Variants in B3GNT7 observed in about 807,000 individuals in gnomAD.
B3GNT7 encodes the protein UDP-GlcNAc:betaGal beta-1,3-N-acetylglucosaminyltransferase 7.
B3GNT7 carries 9 observed loss-of-function variants against 5.1 expected under a neutral mutation model. The ratio of observed to expected loss-of-function variants is 1.77; its 90% CI spans 1.07 to 3.09. B3GNT7 has a LOEUF of 3.09. B3GNT7 is among the 30% of genes most tolerant of loss of function. B3GNT7 has a pLI of 0.00. For missense variants in B3GNT7, 468 were observed against 550.8 expected (o/e 0.85, Z 1.50); for synonymous variants, 253 against 248.6 (o/e 1.02, Z -0.17).
chr2:231,398,694 C>T lies in B3GNT7; in HGVS notation c.975C>T (p.Ile325=), dbSNP rs748336654. Residue 325 remains isoleucine, a synonymous_variant, in exon 2 of 2, where the codon ATC becomes ATT. Transcript: ENST00000287590. ...GCGACACCCTGGAGCTCTACCCGAT[C>T]GACGACGTCTTTCTGGGCATGTGCC... ...HACDTLELYP[I]DDVFLGMCLE... 1.2e-5 allele frequency: 19 copies of T among 1,611,898 alleles called. No individual in the cohort carries two copies. The highest frequency in any genetic ancestry group is 1.6e-5 in the Non-Finnish European group (19 of 1,179,788).
At position 231,397,978 on chromosome 2, in the gene B3GNT7, A is replaced by G. The variant is rs1407098221; in HGVS notation, c.259A>G (p.Thr87Ala). ...QGPQAWDVTTTNCSANINLTH... is the reference protein window; with the variant it reads ...QGPQAWDVTTANCSANINLTH... ...GCCCCAGGCCTGGGACGTGACCACCACTAACTGCTCAGCCAATATCAACTT... is the reference window on the plus strand; with the variant it reads ...GCCCCAGGCCTGGGACGTGACCACCGCTAACTGCTCAGCCAATATCAACTT... Residue 87 changes from threonine to alanine, a missense_variant, in exon 2 of 2, where the codon ACT becomes GCT. Thr to Ala is a moderately conservative substitution (Grantham distance 58, BLOSUM62 0). Coordinates refer to ENST00000287590, the MANE Select transcript of B3GNT7 (RefSeq NM_145236.3). 4 of 1,611,908 alleles carry G rather than the reference A, an allele frequency of 2.5e-6. No individual in the cohort carries two copies. The South Asian group carries it at 3.3e-5, about 13-fold the overall frequency.
At chr2:231,396,868 G>A (rs1412731899) in intron 1 of B3GNT7, among the ~76,000 whole-genome samples, 1 of 144,850 alleles carries the variant, frequency 6.9e-6, no homozygotes, top group Non-Finnish European at 1.5e-5. Flanking sequence ...TTCTGCTTCC[G>A]AAATGGGTGT....
At position 231,397,885 on chromosome 2, in the gene B3GNT7, G is replaced by A. The variant is rs1365070889; in HGVS notation, c.166G>A (p.Val56Met). ...GGCCCAGAAGCCAAATGGACAGCTG[G>A]TGAACCCCAACAACTTCTGGAAGAA... is the stretch of plus-strand genomic sequence containing the variant. ...QKAQKPNGQL[V>M]NPNNFWKNPK... The change falls in exon 2 of 2, where the codon GTG (valine) becomes ATG (methionine). Residue 56 changes from valine to methionine, a missense_variant. Coordinates refer to ENST00000287590, the MANE Select transcript of B3GNT7 (RefSeq NM_145236.3). The A allele has an allele frequency of 1.2e-6, 2 of 1,613,766 alleles. No homozygotes were observed. Among genetic ancestry groups the A allele is most frequent in the Non-Finnish European group, 1.7e-6 (2 of 1,179,896 alleles).
At chr2:231,396,363 G>A (rs1575236914) in intron 1 of B3GNT7, among the ~76,000 whole-genome samples, 1 of 152,268 alleles carries the variant, frequency 6.6e-6, no homozygotes, top group East Asian at 1.9e-4. Context: ...CTCGGTGGGC[G>A]GCTTCCCTGG....
In B3GNT7 at chr2:231,399,420, C is replaced by G. The variant is rs1431004282; in HGVS notation, c.*495C>G. ...CCCTGTGCGGGCTCACAGGCACCCC[C>G]CAGTCCACACCCTGGTCTCCTGGGA... On this transcript the variant is annotated 3_prime_UTR_variant, in exon 2 of 2. Coordinates refer to ENST00000287590, the MANE Select transcript of B3GNT7 (RefSeq NM_145236.3). 1 of 156,964 alleles carries G rather than the reference C, an allele frequency of 6.4e-6. No homozygotes were observed. The highest frequency in any genetic ancestry group is 1.4e-5 in the Non-Finnish European group (1 of 71,122). The allele number at this position is 156,964 out of a possible 1,614,324, so 9.7% of individuals were successfully genotyped here.
Position 231,398,329 on chromosome 2 carries a change from C to T in B3GNT7, c.610C>T (p.Leu204=). 6.2e-7 allele frequency: 1 copy of T among 1,613,524 alleles called. No homozygotes were observed. The change falls in exon 2 of 2, where the codon CTG becomes TTG. Residue 204 remains leucine, a synonymous_variant. Coordinates refer to ENST00000287590, the MANE Select transcript of B3GNT7 (RefSeq NM_145236.3). The stretch of plus-strand genomic sequence containing the variant: ...CGAAGACCGCCTCTACGGCGACATC[C>T]TGCAGTGGGGCTTTCTCGACACCTT... ...AYEDRLYGDI[L]QWGFLDTFFN... is the part of the protein sequence containing the mutation.
intron 1 of B3GNT7, chr2:231,397,217 T>C (rs1334014338): frequency 2.0e-6 from 2 of 985,622 alleles, no homozygotes; most frequent in South Asian, 4.7e-5. Flanking sequence ...GATCAGAGGG[T>C]GCCCTCTCAA....
chr2:231,398,905 C>G lies in B3GNT7; in HGVS notation c.1186C>G (p.Arg396Gly). 1 of 1,584,316 alleles carries G rather than the reference C, an allele frequency of 6.3e-7. No homozygotes were observed. The highest frequency in any genetic ancestry group is 8.5e-7 in the Non-Finnish European group (1 of 1,173,300). Residue 396 changes from arginine (R) to glycine (G), a missense_variant, in exon 2 of 2, where the codon CGC becomes GGC. Physicochemically the swap from Arg to Gly is moderately radical, Grantham distance 125. Transcript: ENST00000287590. ...GLVHSNLTCS[R>G]KLQVL is the part of the protein sequence containing the mutation. The stretch of plus-strand genomic sequence containing the variant: ...GGTGCACAGCAATCTCACCTGCTCC[C>G]GCAAGCTCCAGGTGCTCTGACCCCA...
Position 231,397,881 on chromosome 2 carries a change from G to C in B3GNT7, c.162G>C (p.Gln54His), listed in dbSNP as rs2046528359. The stretch of plus-strand genomic sequence containing the variant: ...AGAAGGCCCAGAAGCCAAATGGACA[G>C]CTGGTGAACCCCAACAACTTCTGGA... ...EPQKAQKPNGQLVNPNNFWKN... is the reference protein window; with the variant it reads ...EPQKAQKPNGHLVNPNNFWKN... The change falls in exon 2 of 2, where the codon CAG becomes CAC. Residue 54 changes from glutamine (Q) to histidine (H), a missense_variant. By Grantham distance (24) the Gln-to-His change is conservative. Coordinates refer to ENST00000287590, the MANE Select transcript of B3GNT7 (RefSeq NM_145236.3). 1.2e-6 allele frequency: 2 copies of C among 1,613,718 alleles called. No individual in the cohort carries two copies. The highest frequency in any genetic ancestry group is 8.5e-7 in the Non-Finnish European group (1 of 1,179,888).
chr2:231,397,317 G>A (rs1345100032), intron 1 of B3GNT7: 5 of 964,368 alleles, frequency 5.2e-6, no homozygotes, highest in Non-Finnish European at 6.2e-6. Flanking sequence ...GGGGTTCCAG[G>A]CGTGGGGAAC....
chr2:231,397,135 T>C, intron 1 of B3GNT7: 1 of 951,746 alleles, frequency 1.1e-6, no homozygotes, highest in Non-Finnish European at 1.3e-6. Flanking sequence ...AGGGCCAGTC[T>C]TCCTCAGGTC....
In B3GNT7 at chr2:231,399,190, C is replaced by G; in HGVS notation, c.*265C>G. The stretch of plus-strand genomic sequence containing the variant: ...TGAGGAGCGAGGCGCCAGGCCCTGG[C>G]AGCCCTCCTGACCTGGGTCCGTTGC... On this transcript the variant is annotated 3_prime_UTR_variant, in exon 2 of 2. Transcript: ENST00000287590. 1 of 508,316 alleles carries G rather than the reference C, an allele frequency of 2.0e-6. No homozygotes were observed. The highest frequency in any genetic ancestry group is 2.5e-5 in the South Asian group (1 of 39,538). The allele number at this position is 508,316 out of a possible 1,614,324, so 31.5% of individuals were successfully genotyped here.
At position 231,395,736 on chromosome 2, in the gene B3GNT7, G is replaced by A; in HGVS notation, c.-68G>A. The stretch of plus-strand genomic sequence containing the variant: ...TCCGTCCCCACCCGCCCGCCGTCCC[G>A]CCGGCCCGAGCCGTGGCGCCCAGAG... On this transcript the variant is annotated 5_prime_UTR_variant, in exon 1 of 2. Transcript: ENST00000287590. The surrounding 1 kb of genome is among the most constrained non-coding windows in gnomAD (Gnocchi z 7.3). 1.7e-6 allele frequency: 2 copies of A among 1,148,168 alleles called. No homozygotes were observed. Among genetic ancestry groups the A allele is most frequent in the Non-Finnish European group, 2.1e-6 (2 of 934,884 alleles). 71.1% of individuals were successfully genotyped at this position (1,148,168 alleles called of 1,614,324 possible). A position where few individuals can be genotyped will look rare whatever the true frequency, so the allele number is the denominator to read the frequency against.
In B3GNT7 at chr2:231,400,095, CTTTTTTTTTTTTTTT is replaced by C. The variant is rs71052575; in HGVS notation, c.*1182_*1196del. 1 of 62,678 alleles carries C rather than the reference CTTTTTTTTTTTTTTT, an allele frequency of 1.6e-5. No homozygotes were observed. 3.9% of individuals were successfully genotyped at this position (62,678 alleles called of 1,614,324 possible). A position where few individuals can be genotyped will look rare whatever the true frequency, so the allele number is the denominator to read the frequency against. ...ACACTATTTTCTCAATAAAATGGGA[CTTTTTTTTTTTTTTT>C]TTTTTTTTTTTGGTGTGAAACTTCC... On this transcript the variant is annotated 3_prime_UTR_variant, in exon 2 of 2. Coordinates refer to ENST00000287590, the MANE Select transcript of B3GNT7 (RefSeq NM_145236.3).
chr2:231,397,406 T>C (rs987146771), intron 1 of B3GNT7: 7 of 376,108 alleles, frequency 1.9e-5, no homozygotes, highest in Admixed American at 4.9e-5. Flanking sequence ...CCTGGTACTT[T>C]ATATAGCACT....
At position 231,398,179 on chromosome 2, in the gene B3GNT7, C is replaced by A; in HGVS notation, c.460C>A (p.Arg154Ser). Residue 154 changes from arginine (R) to serine (S), a missense_variant, in exon 2 of 2, where the codon CGC (arginine) becomes AGC (serine). Coordinates refer to ENST00000287590, the MANE Select transcript of B3GNT7 (RefSeq NM_145236.3). ...GCAGCACGACCGCCGCGAGGCCATCCGCCAGACCTGGGGCCGCGAGCGGCA... is the reference window on the plus strand; with the variant it reads ...GCAGCACGACCGCCGCGAGGCCATCAGCCAGACCTGGGGCCGCGAGCGGCA... Reference protein sequence around the residue: ...ITQHDRREAIRQTWGRERQSA... With the variant: ...ITQHDRREAISQTWGRERQSA... The A allele has an allele frequency of 6.3e-7, 1 of 1,591,188 alleles. No individual in the cohort carries two copies. The highest frequency in any genetic ancestry group is 8.6e-7 in the Non-Finnish European group (1 of 1,168,434).
In B3GNT7 at chr2:231,398,977, G is replaced by T. The variant is rs367858426; in HGVS notation, c.*52G>T. On this transcript the variant is annotated 3_prime_UTR_variant, in exon 2 of 2. Transcript: ENST00000287590. The stretch of plus-strand genomic sequence containing the variant: ...AGGGCACTTGCTCCTGAGCCCCCAT[G>T]GTATTGGGGCTGGAGCCACAGTGCC... 29 of 1,454,652 alleles carry T rather than the reference G, an allele frequency of 2.0e-5. No individual in the cohort carries two copies. Among genetic ancestry groups the T allele is most frequent in the East Asian group, 9.9e-5 (4 of 40,474 alleles). The allele number at this position is 1,454,652 out of a possible 1,614,324, so 90.1% of individuals were successfully genotyped here. A position where few individuals can be genotyped will look rare whatever the true frequency, so the allele number is the denominator to read the frequency against.
In B3GNT7 at chr2:231,400,625, C is replaced by A. The variant is rs551308929; in HGVS notation, c.*1700C>A. 6.5e-6 allele frequency: 1 copy of A among 152,680 alleles called. No homozygotes were observed. Among genetic ancestry groups the A allele is most frequent in the East Asian group, 1.9e-4 (1 of 5,200 alleles). 9.5% of individuals were successfully genotyped at this position (152,680 alleles called of 1,614,324 possible). Reference sequence around the variant, plus strand: ...CACTCAGACAGCAGTATGAGCAAGCCAGCCAGCAGCTCCGTGCCTGCACCC... The same window carrying A: ...CACTCAGACAGCAGTATGAGCAAGCAAGCCAGCAGCTCCGTGCCTGCACCC... On this transcript the variant is annotated 3_prime_UTR_variant, in exon 2 of 2. Transcript: ENST00000287590.
Position 231,397,665 on chromosome 2 carries a change from G to A in B3GNT7, c.12-66G>A, listed in dbSNP as rs574145605. On this transcript the variant is annotated intron_variant, in intron 1 of 1. Coordinates refer to ENST00000287590, the MANE Select transcript of B3GNT7 (RefSeq NM_145236.3). ...TCTGGGACCACCCAGCCTCCCAAGGGGGGCGCCAGGAGAGCCCTGGGCTCA... is the reference window on the plus strand; with the variant it reads ...TCTGGGACCACCCAGCCTCCCAAGGAGGGCGCCAGGAGAGCCCTGGGCTCA... 695 of 1,452,292 alleles carry A rather than the reference G, an allele frequency of 4.8e-4. 3 individuals carry two copies. In the African/African-American group the frequency reaches 9.2e-3, roughly 19 times the overall value. The allele number at this position is 1,452,292 out of a possible 1,614,324, so 90.0% of individuals were successfully genotyped here.
Sources: gnomAD v4.1 joint callset for allele counts (sites outside exome capture counted in the v4.1 genomes callset) on GRCh38, gnomAD v4.1.1 for gene constraint, Gnocchi (gnomAD v3.1) non-coding constraint, MANE v1.5 for transcripts, NCBI Gene and HGNC (gene_info 2026-07-23, HGNC 2026-07-21) for gene names.